The following ANK2 variants were observed in gnomAD, a reference collection of about 807,000 sequenced individuals.
The protein encoded by ANK2 is ankyrin-2.
ANK2 carries 83 observed loss-of-function variants against 360.5 expected under a neutral mutation model. The ratio of observed to expected loss-of-function variants is 0.23; its 90% CI spans 0.19 to 0.28. ANK2 has a LOEUF of 0.28. Ranked by LOEUF, ANK2 falls within the 10% of genes least tolerant of loss-of-function variation. The pLI is 1.00. For missense variants in ANK2, 4,201 were observed against 4,795.7 expected, an observed-to-expected ratio of 0.88 and a Z score of 3.66; for synonymous variants, 1,740 against 1,759.5, an observed-to-expected ratio of 0.99 and a Z score of 0.28.
chr4:112,984,936 C>T (rs2044349820), intron 2 of ANK2, among the ~76,000 whole-genome samples: 1 of 152,074 alleles, frequency 6.6e-6, no homozygotes, highest in African/African-American at 2.4e-5. Context: ...CTTGAGTTCC[C>T]CTCCACCTGG....
rs1211724449 is a variant in ANK2 at position 113,353,260 on chromosome 4, C to A, written c.4642C>A (p.Pro1548Thr). The A allele has an allele frequency of 4.3e-6, 7 of 1,613,688 alleles. No homozygotes were observed. In the African/African-American group the frequency reaches 9.4e-5, roughly 22 times the overall value. Residue 1548 changes from proline to threonine, a missense_variant, in exon 38 of 46, where the codon CCT (proline) becomes ACT (threonine). Transcript: ENST00000357077. ...GGCTGCTGAGGAAGAGCCAGGAGAG[C>A]CTTTTGAAATCGTTGAAAGAGTTAA... Reference protein sequence around the residue: ...VKAAEEEPGEPFEIVERVKED... With the variant: ...VKAAEEEPGETFEIVERVKED...
chr4:113,022,439 A>C lies in ANK2; in HGVS notation c.21+117925A>C, dbSNP rs148225186. Reference sequence around the variant, plus strand: ...AATGCTTCACCTTTCACAGTGACTTAGAATGGTTTAGAGATTTATCCAGTG... The same window carrying C: ...AATGCTTCACCTTTCACAGTGACTTCGAATGGTTTAGAGATTTATCCAGTG... On this transcript the variant is annotated intron_variant, in intron 2 of 30. Transcript: ENST00000503271. Among the ~76,000 whole-genome samples the C allele has an allele frequency of 2.7e-4, 41 of 152,262 alleles. 1 individual carries two copies. In the East Asian group the frequency reaches 3.7e-3, roughly 14 times the overall value.
chr4:113,366,558 GCCT>G lies in ANK2; in HGVS notation c.11033-1004_11033-1002del, dbSNP rs375636673. Among the ~76,000 whole-genome samples, 416 of 151,900 alleles carry G rather than the reference GCCT, an allele frequency of 2.7e-3. 5 individuals are homozygous for G. Among genetic ancestry groups the G allele is most frequent in the African/African-American group, 9.5e-3 (394 of 41,412 alleles). On this transcript the variant is annotated intron_variant, in intron 41 of 45. Transcript: ENST00000357077. ...CTATCGCACTGGTCCTGCACGCCTG[GCCT>G]CCTTGCCATTTCTGGAGCACCCTCT...
intron 1 of ANK2, among the ~76,000 whole-genome samples, chr4:113,144,176 A>G (rs2096744776): frequency 1.3e-5 from 2 of 152,164 alleles, no homozygotes; most frequent in Admixed American, 1.3e-4. Context: ...AAGTAATTTC[A>G]CTGAATACTG....
the ANK2 span, among the ~76,000 whole-genome samples, chr4:112,732,846 C>T: frequency 6.6e-6 from 1 of 152,110 alleles, no homozygotes. Flanking sequence ...CTTTGGGAGG[C>T]TGAGGCGGGG....
intron 1 of ANK2, among the ~76,000 whole-genome samples, chr4:112,830,243 T>C (rs1437214625): frequency 4.6e-5 from 7 of 152,196 alleles, no homozygotes; most frequent in Admixed American, 3.3e-4. Context: ...AGACATGGAA[T>C]CAACCTAAAA....
At chr4:112,736,535 T>G in the ANK2 span, among the ~76,000 whole-genome samples, 454 of 151,710 alleles carry the variant, frequency 3.0e-3, 3 homozygotes, top group African/African-American at 0.01. Context: ...ATATTACAGA[T>G]GAGGAAATTG....
intron 15 of ANK2, among the ~76,000 whole-genome samples, 158 bp from the exon 16 acceptor site, chr4:113,277,679 T>C (rs2060732909): frequency 6.6e-6 from 1 of 152,246 alleles, no homozygotes; most frequent in South Asian, 2.1e-4. Flanking sequence ...TTGTATTCTT[T>C]TTCTTTGTCC....
At chr4:112,773,175 G>A in the ANK2 span, among the ~76,000 whole-genome samples, 3,550 of 152,184 alleles carry the variant, frequency 0.023, 120 homozygotes, top group African/African-American at 0.08. Flanking sequence ...AAATTAGCCA[G>A]GTGTGGTGGT....
intron 18 of ANK2, among the ~76,000 whole-genome samples, chr4:113,286,920 A>T (rs2064929142): frequency 1.3e-5 from 2 of 152,198 alleles, no homozygotes. Context: ...TGAATAAGCC[A>T]CTTTCCCCCA....
the ANK2 span, among the ~76,000 whole-genome samples, chr4:112,785,738 A>C: frequency 6.6e-6 from 1 of 151,804 alleles, no homozygotes; most frequent in African/African-American, 2.4e-5. Flanking sequence ...GCGCGATCAT[A>C]GCTCACCGTA....
At chr4:112,780,531 T>A in the ANK2 span, among the ~76,000 whole-genome samples, 1 of 152,186 alleles carries the variant, frequency 6.6e-6, no homozygotes, top group East Asian at 1.9e-4. Flanking sequence ...TAATATTAAT[T>A]TAATGTATAA....
chr4:113,276,827 G>T (rs1467491546), intron 15 of ANK2, among the ~76,000 whole-genome samples: 1 of 152,160 alleles, frequency 6.6e-6, no homozygotes, highest in African/African-American at 2.4e-5. Flanking sequence ...TATGATGGGG[G>T]CTTAAATGGT....
chr4:112,882,718 T>C (rs1167902827), intron 1 of ANK2, among the ~76,000 whole-genome samples: 1 of 151,564 alleles, frequency 6.6e-6, no homozygotes, highest in East Asian at 1.9e-4. Flanking sequence ...TTTTTTAAAA[T>C]GAAGCAAAAA....
At chr4:113,027,224 G>A (rs2059459829) in intron 2 of ANK2, among the ~76,000 whole-genome samples, 1 of 152,030 alleles carries the variant, frequency 6.6e-6, no homozygotes, top group Non-Finnish European at 1.5e-5. Context: ...GTTTTTGGGT[G>A]GGATGATTAA....
the ANK2 span, among the ~76,000 whole-genome samples, chr4:112,794,076 T>A: frequency 6.6e-6 from 1 of 152,222 alleles, no homozygotes; most frequent in Non-Finnish European, 1.5e-5. Flanking sequence ...AGTAACTAAT[T>A]GTTGACTTTA....
At chr4:113,098,885 C>G (rs9996300) in intron 1 of ANK2, among the ~76,000 whole-genome samples, 73,438 of 151,588 alleles carry the variant, frequency 0.48, 18,772 homozygotes, top group African/African-American at 0.64. Flanking sequence ...ACATCAACAG[C>G]CTAAAGAAGA....
chr4:113,127,642 C>A (rs1055149405), intron 1 of ANK2, among the ~76,000 whole-genome samples: 1 of 151,936 alleles, frequency 6.6e-6, no homozygotes, highest in African/African-American at 2.4e-5. Context: ...AACATAGAAG[C>A]TGGTGAACAG....
the ANK2 span, among the ~76,000 whole-genome samples, chr4:112,708,844 T>G: frequency 2.3e-4 from 35 of 152,340 alleles, 1 homozygote; most frequent in East Asian, 3.5e-3. Flanking sequence ...ATTTGCTATA[T>G]TTCTGTTCTC....
Sources: gnomAD v4.1 joint callset for allele counts (sites outside exome capture counted in the v4.1 genomes callset) on GRCh38, gnomAD v4.1.1 for gene constraint, MANE v1.5 for transcripts, NCBI Gene and HGNC (gene_info 2026-07-23, HGNC 2026-07-21) for gene names.